GULP1: variants seen among roughly 807,000 people sequenced by gnomAD.
The protein encoded by GULP1 is GULP PTB domain containing engulfment adaptor 1, also known as PTB domain-containing engulfment adapter protein 1.
Under a neutral mutation model 40.9 loss-of-function variants are expected in GULP1, and 19 were observed. The observed-to-expected ratio is 0.46, with a 90% CI of 0.32 to 0.68. The LOEUF (loss-of-function observed/expected upper bound fraction) is 0.68, where lower values mean the gene tolerates loss of function less well. GULP1 is among the 30% of genes least tolerant of loss of function. The pLI, the probability that GULP1 is intolerant of heterozygous loss-of-function variation, is 0.03. For missense variants in GULP1, 312 were observed against 362.2 expected (o/e 0.86, Z 1.12); for synonymous variants, 119 against 117.6 (o/e 1.01, Z -0.08).
intron 2 of GULP1, among the ~76,000 whole-genome samples, chr2:188,431,782 C>A (rs188026278): frequency 4.0e-4 from 61 of 152,064 alleles, no homozygotes; most frequent in African/African-American, 1.4e-3. Flanking sequence ...TATGTTAGGA[C>A]AGAAATTTAT....
In GULP1 at chr2:188,569,334, G is replaced by A. The variant is rs1698518119; in HGVS notation, c.495G>A (p.Gln165=). The A allele has an allele frequency of 3.8e-6, 6 of 1,560,342 alleles. No individual in the cohort carries two copies. The highest frequency in any genetic ancestry group is 3.5e-6 in the Non-Finnish European group (4 of 1,131,384). ...SGGKDVETRK[Q]IAGLQKRIQD... is the part of the protein sequence containing the mutation. ...GAAAAGATGTTGAAACAAGAAAACAGATCGCAGGGTTACAAAAAAGAGTGA... is the reference window on the plus strand; with the variant it reads ...GAAAAGATGTTGAAACAAGAAAACAAATCGCAGGGTTACAAAAAAGAGTGA... Residue 165 remains glutamine, a synonymous_variant, in exon 8 of 12, where the codon CAG becomes CAA. Transcript: ENST00000409830.
At chr2:188,546,883 C>G (rs184613298) in intron 7 of GULP1, among the ~76,000 whole-genome samples, 1 of 151,998 alleles carries the variant, frequency 6.6e-6, no homozygotes, top group East Asian at 1.9e-4. Flanking sequence ...ACTACAGACT[C>G]TCTGAATATC....
intron 1 of GULP1, among the ~76,000 whole-genome samples, chr2:188,327,864 T>A (rs1243792240): frequency 6.6e-6 from 1 of 152,146 alleles, no homozygotes; most frequent in African/African-American, 2.4e-5. Context: ...CAACCTAATA[T>A]TTATGGTGGT....
intron 1 of GULP1, among the ~76,000 whole-genome samples, chr2:188,316,031 T>C (rs1419488301): frequency 6.6e-6 from 1 of 152,088 alleles, no homozygotes; most frequent in African/African-American, 2.4e-5. Context: ...ATAGTTGTAA[T>C]GATGGCGATT....
chr2:188,366,396 A>T (rs1402156600), intron 1 of GULP1, among the ~76,000 whole-genome samples: 1 of 152,136 alleles, frequency 6.6e-6, no homozygotes, highest in Non-Finnish European at 1.5e-5. Context: ...AGAGAAAAAA[A>T]TAAGCTCCAT....
intron 2 of GULP1, among the ~76,000 whole-genome samples, chr2:188,402,391 G>A (rs1249698402): frequency 6.6e-6 from 1 of 151,974 alleles, no homozygotes; most frequent in African/African-American, 2.4e-5. Context: ...TACAAAACTC[G>A]AACATTCTTT....
chr2:188,569,989 A>C, intron 8 of GULP1, 39 bp from the exon 9 acceptor site: 1 of 829,518 alleles, frequency 1.2e-6, no homozygotes, highest in East Asian at 2.5e-5. Context: ...TCCAAGAAAA[A>C]AAAAACAGAA....
intron 2 of GULP1, among the ~76,000 whole-genome samples, chr2:188,400,022 T>C (rs2051982400): frequency 6.6e-6 from 1 of 152,140 alleles, no homozygotes; most frequent in African/African-American, 2.4e-5. Flanking sequence ...GGCATAGAAC[T>C]ATAAACAGAG....
At chr2:188,565,377 A>G (rs747104006) in intron 7 of GULP1, among the ~76,000 whole-genome samples, 1 of 152,058 alleles carries the variant, frequency 6.6e-6, no homozygotes, top group Admixed American at 6.5e-5. Flanking sequence ...AGTGGGCAGT[A>G]GACTTCTACA....
At chr2:188,436,252 G>A (rs2057395972) in intron 2 of GULP1, among the ~76,000 whole-genome samples, 1 of 151,838 alleles carries the variant, frequency 6.6e-6, no homozygotes, top group South Asian at 2.1e-4. Context: ...TGCTATTCTG[G>A]TTGTATTATC....
chr2:188,457,131 C>T (rs748521375), intron 2 of GULP1, among the ~76,000 whole-genome samples: 54 of 152,144 alleles, frequency 3.5e-4, no homozygotes, highest in Admixed American at 1.1e-3. Context: ...CTTGCCTTAT[C>T]TCAGATGCGA....
chr2:188,531,552 C>T (rs1687544936), intron 6 of GULP1, among the ~76,000 whole-genome samples: 1 of 152,090 alleles, frequency 6.6e-6, no homozygotes, highest in South Asian at 2.1e-4. Flanking sequence ...CAATTACAAA[C>T]AAAGATGTGA....
intron 2 of GULP1, among the ~76,000 whole-genome samples, chr2:188,469,109 A>G (rs1312477293): frequency 6.6e-6 from 1 of 152,188 alleles, no homozygotes; most frequent in South Asian, 2.1e-4. Flanking sequence ...TTAGGGGCCT[A>G]CGGGAAGGCG....
chr2:188,554,149 C>A (rs1246706714), intron 7 of GULP1, among the ~76,000 whole-genome samples: 1 of 151,638 alleles, frequency 6.6e-6, no homozygotes, highest in African/African-American at 2.4e-5. Flanking sequence ...TCATTTAGTT[C>A]TGCTCTGATC....
intron 1 of GULP1, among the ~76,000 whole-genome samples, chr2:188,341,950 T>G (rs2152172373): frequency 6.6e-6 from 1 of 152,350 alleles, no homozygotes; most frequent in East Asian, 1.9e-4. Flanking sequence ...GTCTAGGCAC[T>G]TAACTTTTTT....
intron 2 of GULP1, among the ~76,000 whole-genome samples, chr2:188,473,035 A>G (rs1174552929): frequency 6.6e-6 from 1 of 152,234 alleles, no homozygotes; most frequent in Non-Finnish European, 1.5e-5. Flanking sequence ...TTAGAGACTC[A>G]TAGAGATACT....
chr2:188,524,375 T>G (rs569399122), intron 5 of GULP1, among the ~76,000 whole-genome samples: 1 of 152,232 alleles, frequency 6.6e-6, no homozygotes, highest in South Asian at 2.1e-4. Context: ...TAAAAGAATG[T>G]GACCTACAAT....
chr2:188,425,410 T>G (rs1326951637), intron 2 of GULP1, among the ~76,000 whole-genome samples: 2 of 152,126 alleles, frequency 1.3e-5, no homozygotes, highest in Non-Finnish European at 2.9e-5. Context: ...GAACTAAGAC[T>G]TTGTACCACT....
At chr2:188,513,784 C>T (rs879351582) in intron 4 of GULP1, among the ~76,000 whole-genome samples, 6 of 151,896 alleles carry the variant, frequency 4.0e-5, no homozygotes, top group Non-Finnish European at 7.4e-5. Context: ...AAAAATTCAC[C>T]GTAATAAATT....
Sources: gnomAD v4.1 joint callset for allele counts (sites outside exome capture counted in the v4.1 genomes callset) on GRCh38, gnomAD v4.1.1 for gene constraint, MANE v1.5 for transcripts, NCBI Gene and HGNC (gene_info 2026-07-23, HGNC 2026-07-21) for gene names.